The following CYB5R4 variants were observed in gnomAD, a reference collection of about 807,000 sequenced individuals.
CYB5R4 encodes N-terminal cytochrome b5 and cytochrome b5 oxidoreductase domain-containing protein.
In CYB5R4, 55 loss-of-function variants were observed where a neutral mutation model predicts 70.2. The observed-to-expected ratio is 0.78, with a 90% CI of 0.63 to 0.98. The LOEUF is 0.98. CYB5R4 is among the 50% of genes least tolerant of loss of function. CYB5R4 has a pLI of 0.00. For missense variants in CYB5R4, 562 were observed against 612.6 expected (o/e 0.92, Z 0.87); for synonymous variants, 197 against 199.5 (o/e 0.99, Z 0.11).
intron 2 of CYB5R4, among the ~76,000 whole-genome samples, chr6:83,890,856 A>G (rs1175441412): frequency 1.3e-5 from 2 of 152,210 alleles, no homozygotes; most frequent in Non-Finnish European, 2.9e-5. Context: ...TAGCATTTTT[A>G]TGAAAGTATA....
chr6:83,884,710 A>C (rs748264328), intron 2 of CYB5R4, among the ~76,000 whole-genome samples: 1 of 152,188 alleles, frequency 6.6e-6, no homozygotes, highest in African/African-American at 2.4e-5. Flanking sequence ...GAAATATGCC[A>C]TAATTTTATC....
chr6:83,893,764 C>T, intron 3 of CYB5R4, 142 bp downstream of exon 3: 1 of 528,260 alleles, frequency 1.9e-6, no homozygotes, highest in Non-Finnish European at 3.4e-6. Context: ...AAGATGCTCA[C>T]AAGTAGCAGC....
intron 10 of CYB5R4, among the ~76,000 whole-genome samples, chr6:83,932,916 C>G (rs1486396986): frequency 6.6e-6 from 1 of 152,170 alleles, no homozygotes; most frequent in African/African-American, 2.4e-5. Flanking sequence ...GTTTAAGAAT[C>G]CCGAATTTGA....
intron 3 of CYB5R4, among the ~76,000 whole-genome samples, chr6:83,904,116 T>G (rs890755006): frequency 2.0e-5 from 3 of 152,160 alleles, no homozygotes; most frequent in Non-Finnish European, 4.4e-5. Context: ...TCTAGTTCCT[T>G]GAGGTACATT....
rs1461876709 is a variant in CYB5R4, at chr6:83,919,890, C to T, written c.564+436C>T. 2.0e-5 allele frequency among the ~76,000 whole-genome samples: 3 copies of T among 152,054 alleles called. No individual in the cohort carries two copies. In the South Asian group the frequency reaches 6.2e-4, roughly 32 times the overall value. ...TAAACTAGGATTGGAGAAGGTATTT[C>T]GCTGTGGCTGTGGCTTAGTATGTTT... is the stretch of plus-strand genomic sequence containing the variant. On this transcript the variant is annotated intron_variant, in intron 7 of 15. Coordinates refer to ENST00000369681, the MANE Select transcript of CYB5R4 (RefSeq NM_016230.4).
chr6:83,894,188 C>T (rs2099461532), intron 3 of CYB5R4, among the ~76,000 whole-genome samples: 1 of 152,136 alleles, frequency 6.6e-6, no homozygotes, highest in Non-Finnish European at 1.5e-5. Flanking sequence ...CACTTTTCCC[C>T]TTATATTTAC....
intron 2 of CYB5R4, among the ~76,000 whole-genome samples, chr6:83,878,901 GT>G (rs987816310): frequency 1.4e-4 from 22 of 152,128 alleles, no homozygotes; most frequent in South Asian, 4.1e-4. Context: ...ATGCTAGAGG[GT>G]TTTTTTCCCC....
At chr6:83,958,058 A>G (rs1297445867) in intron 15 of CYB5R4, among the ~76,000 whole-genome samples, 2 of 152,198 alleles carry the variant, frequency 1.3e-5, no homozygotes, top group Admixed American at 6.5e-5. Flanking sequence ...TGCTACATAG[A>G]TTATATTAAA....
At position 83,962,739 on chromosome 6, in the gene CYB5R4, A is replaced by G. The variant is rs970863050; in HGVS notation, c.*2861A>G. On this transcript the variant is annotated 3_prime_UTR_variant, in exon 16 of 16. Transcript: ENST00000369681. ...AAGAGTTCTTTCAGCCTCATTAGGTAGATTTCAGTTCCTTGCAGTTGTAGG... is the reference window on the plus strand; with the variant it reads ...AAGAGTTCTTTCAGCCTCATTAGGTGGATTTCAGTTCCTTGCAGTTGTAGG... The G allele has an allele frequency of 6.6e-6, 1 of 152,242 alleles. No individual in the cohort carries two copies. Among genetic ancestry groups the G allele is most frequent in the Non-Finnish European group, 1.5e-5 (1 of 68,048 alleles). 9.4% of individuals were successfully genotyped at this position (152,242 alleles called of 1,614,324 possible). A position where few individuals can be genotyped will look rare whatever the true frequency, so the allele number is the denominator to read the frequency against.
chr6:83,907,650 A>C (rs924714963), intron 3 of CYB5R4, among the ~76,000 whole-genome samples: 12 of 151,928 alleles, frequency 7.9e-5, no homozygotes, highest in Non-Finnish European at 1.3e-4. Context: ...TCCACCCTCA[A>C]GTAGTGTCTG....
At chr6:83,872,686 G>A (rs2099457818) in intron 2 of CYB5R4, among the ~76,000 whole-genome samples, 2 of 152,146 alleles carry the variant, frequency 1.3e-5, no homozygotes, top group South Asian at 4.1e-4. Context: ...TTCTAGTTCT[G>A]TTCTGTTTCT....
intron 12 of CYB5R4, among the ~76,000 whole-genome samples, chr6:83,936,595 C>T (rs537571070): frequency 2.6e-5 from 4 of 152,260 alleles, no homozygotes; most frequent in African/African-American, 7.2e-5. Context: ...TCTGGAAACT[C>T]GAGTCGGCCT....
chr6:83,904,070 C>T (rs1261917939), intron 3 of CYB5R4, among the ~76,000 whole-genome samples: 1 of 151,828 alleles, frequency 6.6e-6, no homozygotes, highest in African/African-American at 2.4e-5. Context: ...TATTTCTTTT[C>T]TTCTCCTAAT....
At chr6:83,898,937 C>T (rs1454154566) in intron 3 of CYB5R4, among the ~76,000 whole-genome samples, 1 of 152,154 alleles carries the variant, frequency 6.6e-6, no homozygotes, top group Non-Finnish European at 1.5e-5. Context: ...TCCTCTTTTC[C>T]TAATTGAATA....
At position 83,875,117 on chromosome 6, in the gene CYB5R4, G is replaced by A. The variant is rs546001130; in HGVS notation, c.229+10789G>A. On this transcript the variant is annotated intron_variant, in intron 2 of 15. Coordinates refer to ENST00000369681, the MANE Select transcript of CYB5R4 (RefSeq NM_016230.4). Reference sequence around the variant, plus strand: ...ATTATAGGCGTGAGCCACTGTGCCCGGCCGTCTTTATTCTTAAGTTTCAGG... The same window carrying A: ...ATTATAGGCGTGAGCCACTGTGCCCAGCCGTCTTTATTCTTAAGTTTCAGG... Among the ~76,000 whole-genome samples, 42 of 152,166 alleles carry A rather than the reference G, an allele frequency of 2.8e-4. No homozygotes were observed. In the South Asian group the frequency reaches 8.1e-3, roughly 29 times the overall value.
chr6:83,909,411 G>T (rs1054615459), intron 4 of CYB5R4, among the ~76,000 whole-genome samples: 1 of 152,244 alleles, frequency 6.6e-6, no homozygotes, highest in East Asian at 1.9e-4. Flanking sequence ...AATACAAAAA[G>T]TTATACAGTG....
intron 2 of CYB5R4, among the ~76,000 whole-genome samples, chr6:83,888,659 C>A (rs2099460629): frequency 1.3e-5 from 2 of 152,112 alleles, no homozygotes; most frequent in Admixed American, 1.3e-4. Context: ...TGAGACCCAA[C>A]AATATTGAGA....
intron 2 of CYB5R4, among the ~76,000 whole-genome samples, chr6:83,888,577 A>G (rs1264948369): frequency 6.6e-6 from 1 of 152,114 alleles, no homozygotes; most frequent in Non-Finnish European, 1.5e-5. Context: ...TGAATGGACA[A>G]ATGTATATGT....
chr6:83,907,097 A>C (rs1245133991), intron 3 of CYB5R4, among the ~76,000 whole-genome samples: 1 of 151,988 alleles, frequency 6.6e-6, no homozygotes, highest in Non-Finnish European at 1.5e-5. Context: ...CTTTTTTTTC[A>C]AACAGGGTCT....
Sources: allele counts gnomAD v4.1 joint callset (sites outside exome capture counted in the v4.1 genomes callset), GRCh38; gene constraint gnomAD v4.1.1; transcripts MANE v1.5; gene names NCBI Gene and HGNC (gene_info 2026-07-23, HGNC 2026-07-21).